The following LRRIQ1 variants were observed in gnomAD, a reference collection of about 807,000 sequenced individuals.
The protein encoded by LRRIQ1 is leucine-rich repeat- and IQ domain-containing protein 1.
In LRRIQ1, 210 loss-of-function variants were observed where a neutral mutation model predicts 211.9. That is an observed-to-expected ratio of 0.99 (90% CI 0.89 to 1.11). The LOEUF is 1.11. Among genes scored for constraint, LRRIQ1 ranks in the 50% most tolerant of loss-of-function variants. The pLI, the probability that LRRIQ1 is intolerant of heterozygous loss-of-function variation, is 0.00. For missense variants in LRRIQ1, 2,136 were observed against 1,939.5 expected, an observed-to-expected ratio of 1.10 and a Z score of -1.90; for synonymous variants, 699 against 650.1, an observed-to-expected ratio of 1.08 and a Z score of -1.14.
At position 85,047,244 on chromosome 12, in the gene LRRIQ1, C is replaced by T. The variant is rs766375722; in HGVS notation, c.455-3C>T. The T allele has an allele frequency of 1.3e-6, 2 of 1,576,348 alleles. No individual in the cohort carries two copies. Among genetic ancestry groups the T allele is most frequent in the East Asian group, 2.2e-5 (1 of 44,482 alleles). ...ATGATGTTATTTTTCTTCATGAGTG[C>T]AGATGATGCTGATATAAATTTTGGA... On this transcript the variant is annotated splice_polypyrimidine_tract_variant and splice_region_variant and intron_variant, in intron 5 of 26. Coordinates refer to ENST00000393217, the MANE Select transcript of LRRIQ1 (RefSeq NM_001079910.2).
chr12:85,124,279 G>A lies in LRRIQ1; in HGVS notation c.3767G>A (p.Gly1256Asp). The A allele has an allele frequency of 1.9e-6, 3 of 1,614,032 alleles. No homozygotes were observed. Among genetic ancestry groups the A allele is most frequent in the Middle Eastern group, 1.6e-4 (1 of 6,062 alleles). ...GTCTTCTACTCTTGTGCACGTGAAG[G>A]TGAGCCAGACTCACCAGATATTCCT... is the stretch of plus-strand genomic sequence containing the variant. ...NGVFYSCARE[G>D]EPDSPDIPEK... The change falls in exon 17 of 27, where the codon GGT becomes GAT. Residue 1256 changes from glycine (G) to aspartate (D), a missense_variant. Transcript: ENST00000393217.
Position 85,200,973 on chromosome 12 carries a change from C to T in LRRIQ1, c.4823-28544C>T, listed in dbSNP as rs1168557398. ...TAGCTGGGACTGCAGGTGCACGCCA[C>T]CATTCCTGGCTAATTTTTCTTTTTT... On this transcript the variant is annotated intron_variant, in intron 24 of 26. Transcript: ENST00000393217. Among the ~76,000 whole-genome samples, 11 of 147,848 alleles carry T rather than the reference C, an allele frequency of 7.4e-5. No homozygotes were observed. In the East Asian group the frequency reaches 2.0e-3, roughly 26 times the overall value.
chr12:85,167,701 T>G (rs1265369863), intron 24 of LRRIQ1, among the ~76,000 whole-genome samples: 1 of 152,148 alleles, frequency 6.6e-6, no homozygotes, highest in Non-Finnish European at 1.5e-5. Flanking sequence ...TTAATCTCCT[T>G]TGGCAACACC....
intron 1 of LRRIQ1, among the ~76,000 whole-genome samples, chr12:85,260,639 C>A (rs995774323): frequency 3.3e-5 from 5 of 152,134 alleles, no homozygotes; most frequent in African/African-American, 1.2e-4. Context: ...GTGGCCCCAG[C>A]ATTCTCCCTA....
At chr12:85,185,569 G>T (rs1233842816) in intron 24 of LRRIQ1, among the ~76,000 whole-genome samples, 1 of 151,812 alleles carries the variant, frequency 6.6e-6, no homozygotes, top group Non-Finnish European at 1.5e-5. Flanking sequence ...AACTAGAGAT[G>T]TTTTAAACAT....
At chr12:85,047,817 A>T (rs1353926150) in intron 6 of LRRIQ1, 1 of 198,320 alleles carries the variant, frequency 5.0e-6, no homozygotes, top group Non-Finnish European at 1.0e-5. Flanking sequence ...AGTATGCATT[A>T]ACCTTGCTCT....
chr12:85,044,663 A>G (rs1879311301), intron 3 of LRRIQ1, 55 bp from the exon 4 acceptor site: 7 of 823,508 alleles, frequency 8.5e-6, no homozygotes, highest in Non-Finnish European at 1.3e-5. Flanking sequence ...TGAAATTTTG[A>G]GATGTTGTAT....
intron 24 of LRRIQ1, among the ~76,000 whole-genome samples, chr12:85,220,757 T>G (rs187444324): frequency 6.6e-6 from 1 of 151,530 alleles, no homozygotes; most frequent in African/African-American, 2.4e-5. Flanking sequence ...ACTCGTCATT[T>G]AGCATTAGGT....
intron 13 of LRRIQ1, among the ~76,000 whole-genome samples, chr12:85,102,959 A>AAAAATAT (rs1458673370): frequency 9.2e-6 from 1 of 108,500 alleles, no homozygotes; most frequent in African/African-American, 4.2e-5. Context: ...AAAAAAAAAA[A>AAAAATAT]ATATATATAT....
At chr12:85,107,141 T>C (rs1314504504) in intron 15 of LRRIQ1, among the ~76,000 whole-genome samples, 3 of 152,106 alleles carry the variant, frequency 2.0e-5, no homozygotes, top group African/African-American at 7.2e-5. Flanking sequence ...TACATTTTTG[T>C]AGAAAAAAGT....
rs147717952 is a variant in LRRIQ1, at chr12:85,127,507, T to C, written c.4008-325T>C. 2.6e-5 allele frequency among the ~76,000 whole-genome samples: 4 copies of C among 152,298 alleles called. No individual in the cohort carries two copies. The East Asian group carries it at 7.7e-4, about 29-fold the overall frequency. ...GCTCCTACATTTGTCCTCTCTCTTC[T>C]GCCTCACCACTTTTTCCCCTTCTCT... On this transcript the variant is annotated intron_variant, in intron 17 of 26. Transcript: ENST00000393217.
intron 21 of LRRIQ1, 53 bp from the exon 22 acceptor site, chr12:85,153,610 G>T: frequency 9.0e-7 from 1 of 1,111,584 alleles, no homozygotes; most frequent in South Asian, 1.5e-5. Context: ...GTTTTAAAAA[G>T]TGCTGATATA....
downstream of LRRIQ1, among the ~76,000 whole-genome samples, chr12:85,246,077 C>A (rs1051734257): frequency 6.6e-6 from 1 of 150,970 alleles, no homozygotes; most frequent in African/African-American, 2.4e-5. Flanking sequence ...CATGCAAGTT[C>A]ATTTTGATAA....
At chr12:85,118,650 T>A (rs1296382313) in intron 15 of LRRIQ1, among the ~76,000 whole-genome samples, 1 of 152,068 alleles carries the variant, frequency 6.6e-6, no homozygotes, top group Non-Finnish European at 1.5e-5. Context: ...CATTTTTGCC[T>A]TCATGGGCCA....
rs1301241749 is a variant in LRRIQ1, at chr12:85,047,367, A to G, written c.575A>G (p.Gln192Arg). The change falls in exon 6 of 27, where the codon CAG (glutamine) becomes CGG (arginine). Residue 192 changes from glutamine to arginine, a missense_variant. Coordinates refer to ENST00000393217, the MANE Select transcript of LRRIQ1 (RefSeq NM_001079910.2). ...EDKEKQTLKAQRDREEKQFQE... is the reference protein window; with the variant it reads ...EDKEKQTLKARRDREEKQFQE... Reference sequence around the variant, plus strand: ...AAAGAGAAACAAACTCTCAAAGCTCAGAGGGATAGAGAAGAAAAACAATTT... The same window carrying G: ...AAAGAGAAACAAACTCTCAAAGCTCGGAGGGATAGAGAAGAAAAACAATTT... 6.2e-7 allele frequency: 1 copy of G among 1,604,458 alleles called. No individual in the cohort carries two copies. Among genetic ancestry groups the G allele is most frequent in the South Asian group, 1.1e-5 (1 of 90,858 alleles).
intron 24 of LRRIQ1, among the ~76,000 whole-genome samples, chr12:85,196,316 G>GA (rs1350989115): frequency 3.3e-5 from 5 of 151,994 alleles, no homozygotes; most frequent in Non-Finnish European, 5.9e-5. Flanking sequence ...CACAGAATTG[G>GA]AAAAAACTAC....
At position 85,192,369 on chromosome 12, in the gene LRRIQ1, TTA is replaced by T. The variant is rs999988064; in HGVS notation, c.4822+31666_4822+31667del. Among the ~76,000 whole-genome samples, 255 of 139,390 alleles carry T rather than the reference TTA, an allele frequency of 1.8e-3. 1 individual carries two copies. The highest frequency in any genetic ancestry group is 6.2e-3 in the African/African-American group (233 of 37,736). 91.4% of individuals were successfully genotyped at this position (139,390 alleles called of 152,430 possible). On this transcript the variant is annotated intron_variant, in intron 24 of 26. Coordinates refer to ENST00000393217, the MANE Select transcript of LRRIQ1 (RefSeq NM_001079910.2). ...TTTTTTATGGCTCTGTACTCTTCCG[TTA>T]TATATATATAAATATATATAGTGTA...
chr12:85,249,686 ATG>A (rs1895846235), downstream of LRRIQ1, among the ~76,000 whole-genome samples: 1 of 151,888 alleles, frequency 6.6e-6, no homozygotes, highest in Non-Finnish European at 1.5e-5. Context: ...CTCCTATATC[ATG>A]TGTTCCTATC....
chr12:85,216,936 G>A (rs919942996), intron 24 of LRRIQ1, among the ~76,000 whole-genome samples: 3 of 151,962 alleles, frequency 2.0e-5, no homozygotes, highest in Non-Finnish European at 2.9e-5. Flanking sequence ...CAGCTATAGG[G>A]ATAATTGCTT....
Sources: gnomAD v4.1 joint callset for allele counts (sites outside exome capture counted in the v4.1 genomes callset) on GRCh38, gnomAD v4.1.1 for gene constraint, MANE v1.5 for transcripts, NCBI Gene and HGNC (gene_info 2026-07-23, HGNC 2026-07-21) for gene names.